Variants in TRIAP1 observed in about 807,000 individuals in gnomAD.
TRIAP1 encodes TP53 regulated inhibitor of apoptosis 1.
In TRIAP1, 8 loss-of-function variants were observed where a neutral mutation model predicts 8.4. The observed-to-expected ratio is 0.96, with a 90% CI of 0.56 to 1.73. TRIAP1 has a LOEUF of 1.73. TRIAP1 is among the 40% of genes most tolerant of loss of function. The probability of loss-of-function intolerance (pLI) is 0.00; values close to 1 mark genes in which losing one functional copy is unlikely to be tolerated. For synonymous variants in TRIAP1, 35 were observed against 34.0 expected (o/e 1.03, Z -0.10); for missense variants, 90 against 96.9 (o/e 0.93, Z 0.30).
Position 120,444,308 on chromosome 12 carries a change from CTG to C in TRIAP1, c.*562_*563del, listed in dbSNP as rs1208524359. On this transcript the variant is annotated 3_prime_UTR_variant, in exon 2 of 2. Transcript: ENST00000546954. ...TGACACCTCTTGTGAAGGCAGGGAA[CTG>C]TGTTAAAAGCTGTCTTCCTCTTTGC... is the stretch of plus-strand genomic sequence containing the variant. The C allele has an allele frequency of 8.5e-5, 13 of 152,766 alleles. No homozygotes were observed. Among genetic ancestry groups the C allele is most frequent in the African/African-American group, 3.1e-4 (13 of 41,462 alleles). The allele number at this position is 152,766 out of a possible 1,614,324, so 9.5% of individuals were successfully genotyped here.
Position 120,446,284 on chromosome 12 carries a change from C to A in TRIAP1, c.89G>T (p.Gly30Val). 6.2e-7 allele frequency: 1 copy of A among 1,614,190 alleles called. No homozygotes were observed. Among genetic ancestry groups the A allele is most frequent in the Non-Finnish European group, 8.5e-7 (1 of 1,180,038 alleles). Residue 30 changes from glycine (G) to valine (V), a missense_variant, in exon 1 of 2, where the codon GGG (glycine) becomes GTG (valine). Transcript: ENST00000546954. ...NRWFAEKFLK[G>V]DSSGDPCTDL... ...GGTGCACGGGTCCCCGGAGCTGTCC[C>A]CCTTGAGAAATTTCTCGGCGAACCA...
chr12:120,446,090 C>T lies in TRIAP1; in HGVS notation c.147+136G>A, dbSNP rs147766684. The T allele has an allele frequency of 5.6e-5, 72 of 1,274,880 alleles. No homozygotes were observed. The East Asian group carries it at 1.8e-3, about 32-fold the overall frequency. 79.0% of individuals were successfully genotyped at this position (1,274,880 alleles called of 1,614,324 possible). ...GGCCTCGGTGGTGATGGTAGGGGAG[C>T]GAGCTCCTGCCACTGGCCTCACTGC... On this transcript the variant is annotated intron_variant, in intron 1 of 1. Transcript: ENST00000546954.
chr12:120,446,088 A>G, intron 1 of TRIAP1, 138 bp downstream of exon 1: 3 of 1,254,404 alleles, frequency 2.4e-6, no homozygotes, highest in Non-Finnish European at 3.2e-6. Context: ...ATGGTAGGGG[A>G]GCGAGCTCCT....
Position 120,444,258 on chromosome 12 carries a change from T to C in TRIAP1, c.*614A>G, listed in dbSNP as rs1041102475. 1.3e-5 allele frequency: 2 copies of C among 152,420 alleles called. No homozygotes were observed. Among genetic ancestry groups the C allele is most frequent in the African/African-American group, 4.8e-5 (2 of 41,458 alleles). The allele number at this position is 152,420 out of a possible 1,614,324, so 9.4% of individuals were successfully genotyped here. ...CTCTGAAATGGTGTTCACTGCAACA[T>C]TCTTGCAGCTTTCACATCTTAATCT... On this transcript the variant is annotated 3_prime_UTR_variant, in exon 2 of 2. Coordinates refer to ENST00000546954, the MANE Select transcript of TRIAP1 (RefSeq NM_016399.3).
intron 1 of TRIAP1, 60 bp from the exon 2 acceptor site, chr12:120,445,015 TAAATA>T (rs753320568): frequency 2.1e-4 from 255 of 1,223,212 alleles, no homozygotes; most frequent in Admixed American, 3.0e-4. Flanking sequence ...GCAAGCTTTG[TAAATA>T]AAATATGACA....
rs1388662337 is a variant in TRIAP1, at chr12:120,444,337, A to G, written c.*535T>C. On this transcript the variant is annotated 3_prime_UTR_variant, in exon 2 of 2. Transcript: ENST00000546954. ...GTTAAAAGCTGTCTTCCTCTTTGCTAATCCAGGCCACCATCAATCTTAACC... is the reference window on the plus strand; with the variant it reads ...GTTAAAAGCTGTCTTCCTCTTTGCTGATCCAGGCCACCATCAATCTTAACC... 1 of 153,368 alleles carries G rather than the reference A, an allele frequency of 6.5e-6. No homozygotes were observed. Among genetic ancestry groups the G allele is most frequent in the Non-Finnish European group, 1.5e-5 (1 of 68,676 alleles). The allele number at this position is 153,368 out of a possible 1,614,324, so 9.5% of individuals were successfully genotyped here.
In TRIAP1 at chr12:120,446,297, T is replaced by G. The variant is rs757862484; in HGVS notation, c.76A>C (p.Lys26Gln). The change falls in exon 1 of 2, where the codon AAA becomes CAA. Residue 26 changes from lysine (K) to glutamine (Q), a missense_variant. Physicochemically the swap from Lys to Gln is moderately conservative, Grantham distance 53 (BLOSUM62 1). Coordinates refer to ENST00000546954, the MANE Select transcript of TRIAP1 (RefSeq NM_016399.3). ...CCGGAGCTGTCCCCCTTGAGAAATT[T>G]CTCGGCGAACCAGCGATTGAAGCAC... ...DQCFNRWFAE[K>Q]FLKGDSSGDP... The G allele has an allele frequency of 6.2e-7, 1 of 1,614,054 alleles. No individual in the cohort carries two copies. Among genetic ancestry groups the G allele is most frequent in the African/African-American group, 1.3e-5 (1 of 74,916 alleles).
chr12:120,445,050 C>G, intron 1 of TRIAP1, 95 bp from the exon 2 acceptor site: 1 of 915,152 alleles, frequency 1.1e-6, no homozygotes, highest in Non-Finnish European at 1.7e-6. Flanking sequence ...TAAAATCAAG[C>G]TGATTATAAA....
chr12:120,445,025 A>G lies in TRIAP1; in HGVS notation c.148-70T>C, dbSNP rs1181104064. 17 of 1,114,400 alleles carry G rather than the reference A, an allele frequency of 1.5e-5. No individual in the cohort carries two copies. The Admixed American group carries it at 3.5e-4, about 23-fold the overall frequency. 69.0% of individuals were successfully genotyped at this position (1,114,400 alleles called of 1,614,324 possible). On this transcript the variant is annotated intron_variant, in intron 1 of 1. Transcript: ENST00000546954. ...AAGTTGCAAGCTTTGTAAATAAAATATGACAGTACAAAAGTAAAATCAAGC... is the reference window on the plus strand; with the variant it reads ...AAGTTGCAAGCTTTGTAAATAAAATGTGACAGTACAAAAGTAAAATCAAGC...
chr12:120,445,571 A>C (rs980321192), intron 1 of TRIAP1, among the ~76,000 whole-genome samples: 2 of 152,172 alleles, frequency 1.3e-5, no homozygotes, highest in Non-Finnish European at 2.9e-5. Context: ...TGGCTATGTG[A>C]CTAACTGTAA....
At position 120,444,729 on chromosome 12, in the gene TRIAP1, A is replaced by G; in HGVS notation, c.*143T>C. Reference sequence around the variant, plus strand: ...AAAGAGTTCATCTTTTACAACTGAGAGGAAAACATCGAAGGAGGAAATAAA... The same window carrying G: ...AAAGAGTTCATCTTTTACAACTGAGGGGAAAACATCGAAGGAGGAAATAAA... On this transcript the variant is annotated 3_prime_UTR_variant, in exon 2 of 2. Coordinates refer to ENST00000546954, the MANE Select transcript of TRIAP1 (RefSeq NM_016399.3). 1.4e-6 allele frequency: 1 copy of G among 704,508 alleles called. No homozygotes were observed. The highest frequency in any genetic ancestry group is 2.5e-6 in the Non-Finnish European group (1 of 395,856). The allele number at this position is 704,508 out of a possible 1,614,324, so 43.6% of individuals were successfully genotyped here. A position where few individuals can be genotyped will look rare whatever the true frequency, so the allele number is the denominator to read the frequency against.
Position 120,444,866 on chromosome 12 carries a change from T to A in TRIAP1, c.*6A>T. 6.2e-7 allele frequency: 1 copy of A among 1,612,040 alleles called. No individual in the cohort carries two copies. Among genetic ancestry groups the A allele is most frequent in the Non-Finnish European group, 8.5e-7 (1 of 1,178,682 alleles). Reference sequence around the variant, plus strand: ...CTTGCGAAATCCTTCAAGGTGACTGTCAAGGTCAAGAAGAATTTTCAGGCT... The same window carrying A: ...CTTGCGAAATCCTTCAAGGTGACTGACAAGGTCAAGAAGAATTTTCAGGCT... On this transcript the variant is annotated 3_prime_UTR_variant, in exon 2 of 2. Coordinates refer to ENST00000546954, the MANE Select transcript of TRIAP1 (RefSeq NM_016399.3).
chr12:120,446,284 C>G lies in TRIAP1; in HGVS notation c.89G>C (p.Gly30Ala). Residue 30 changes from glycine (G) to alanine (A), a missense_variant, in exon 1 of 2, where the codon GGG becomes GCG. By Grantham distance (60) the Gly-to-Ala change is moderately conservative. Transcript: ENST00000546954. ...NRWFAEKFLK[G>A]DSSGDPCTDL... is the part of the protein sequence containing the mutation. ...GGTGCACGGGTCCCCGGAGCTGTCC[C>G]CCTTGAGAAATTTCTCGGCGAACCA... The G allele has an allele frequency of 3.7e-6, 6 of 1,614,190 alleles. No homozygotes were observed. Among genetic ancestry groups the G allele is most frequent in the Non-Finnish European group, 5.1e-6 (6 of 1,180,038 alleles).
Position 120,446,240 on chromosome 12 carries a change from G to A in TRIAP1, c.133C>T (p.Gln45Ter). ...DPCTDLFKRY[Q>*]QCVQKAIKEK... Reference sequence around the variant, plus strand: ...GGAGGGCTCACCTGAACACACTGCTGGTAGCGCTTGAAGAGGTCGGTGCAC... The same window carrying A: ...GGAGGGCTCACCTGAACACACTGCTAGTAGCGCTTGAAGAGGTCGGTGCAC... Residue 45 changes from glutamine (Q) to a stop codon, truncating the protein, a stop_gained, in exon 1 of 2, where the codon CAG becomes TAG. Transcript: ENST00000546954. LOFTEE classifies it high-confidence loss of function. The A allele has an allele frequency of 6.2e-7, 1 of 1,614,088 alleles. No individual in the cohort carries two copies. The highest frequency in any genetic ancestry group is 8.5e-7 in the Non-Finnish European group (1 of 1,179,990).
chr12:120,444,910 T>C lies in TRIAP1; in HGVS notation c.193A>G (p.Met65Val). The change falls in exon 2 of 2, where the codon ATG becomes GTG. Residue 65 changes from methionine to valine, a missense_variant. Coordinates refer to ENST00000546954, the MANE Select transcript of TRIAP1 (RefSeq NM_016399.3). ...TCAGGCTTTTCTTTGCCATGGCCCA[T>C]GAACTCCAGTCCTTCAATAGGAATC... ...KEIPIEGLEF[M>V]GHGKEKPENS... The C allele has an allele frequency of 1.9e-6, 3 of 1,613,940 alleles. No individual in the cohort carries two copies. Among genetic ancestry groups the C allele is most frequent in the East Asian group, 2.2e-5 (1 of 44,866 alleles).
chr12:120,445,756 A>C (rs1565911384), intron 1 of TRIAP1, among the ~76,000 whole-genome samples: 1 of 152,160 alleles, frequency 6.6e-6, no homozygotes, highest in Non-Finnish European at 1.5e-5. Flanking sequence ...AGAGAGAAAC[A>C]GGCTAACGAA....
chr12:120,445,584 G>A (rs1022556486), intron 1 of TRIAP1, among the ~76,000 whole-genome samples: 2 of 152,172 alleles, frequency 1.3e-5, no homozygotes, highest in South Asian at 4.1e-4. Context: ...AACTGTAAAT[G>A]GGATGAAGAC....
intron 1 of TRIAP1, 72 bp downstream of exon 1, chr12:120,446,154 T>C: frequency 6.3e-7 from 1 of 1,581,740 alleles, no homozygotes; most frequent in East Asian, 2.3e-5. Context: ...CCAATCCCCG[T>C]AAAATACGAT....
rs1877793050 is a variant in TRIAP1 at position 120,444,167 on chromosome 12, T to C, written c.*705A>G. 2 of 152,210 alleles carry C rather than the reference T, an allele frequency of 1.3e-5. No individual in the cohort carries two copies. The highest frequency in any genetic ancestry group is 2.9e-5 in the Non-Finnish European group (2 of 68,062). The allele number at this position is 152,210 out of a possible 1,614,324, so 9.4% of individuals were successfully genotyped here. Reference sequence around the variant, plus strand: ...GTTGAGAGCTGGCAATAGCAGATCTTTGCAATTTAGGTTCTTCCTCCACAG... The same window carrying C: ...GTTGAGAGCTGGCAATAGCAGATCTCTGCAATTTAGGTTCTTCCTCCACAG... On this transcript the variant is annotated 3_prime_UTR_variant, in exon 2 of 2. Transcript: ENST00000546954.
Sources: gnomAD v4.1 joint callset for allele counts (sites outside exome capture counted in the v4.1 genomes callset) on GRCh38, gnomAD v4.1.1 for gene constraint, MANE v1.5 for transcripts, NCBI Gene and HGNC (gene_info 2026-07-23, HGNC 2026-07-21) for gene names.